The following EPHA6 variants were observed in gnomAD, a reference collection of about 807,000 sequenced individuals.
EPHA6 encodes ephrin type-A receptor 6.
Under a neutral mutation model 112.0 loss-of-function variants are expected in EPHA6, and 50 were observed. The observed-to-expected ratio is 0.45, with a 90% CI of 0.36 to 0.56. The LOEUF (loss-of-function observed/expected upper bound fraction) is 0.56, where lower values mean the gene tolerates loss of function less well. Among genes scored for constraint, EPHA6 ranks in the 20% least tolerant of loss-of-function variants. EPHA6 has a pLI of 0.00. For missense variants in EPHA6, 1,280 were observed against 1,417.4 expected (o/e 0.90, Z 1.56); for synonymous variants, 529 against 490.7 (o/e 1.08, Z -1.03).
At chr3:97,401,594 C>T (rs191306223) in intron 5 of EPHA6, among the ~76,000 whole-genome samples, 5 of 151,254 alleles carry the variant, frequency 3.3e-5, no homozygotes, top group Admixed American at 1.3e-4. Context: ...GTTAAAGGTT[C>T]GTCAATTTTG....
At chr3:96,867,274 C>A (rs2036371993) in intron 2 of EPHA6, among the ~76,000 whole-genome samples, 1 of 151,724 alleles carries the variant, frequency 6.6e-6, no homozygotes, top group South Asian at 2.1e-4. Flanking sequence ...ATGGATTGTG[C>A]AAATATTAAC....
chr3:97,249,248 T>C (rs2079066820), intron 5 of EPHA6, among the ~76,000 whole-genome samples: 1 of 152,148 alleles, frequency 6.6e-6, no homozygotes, highest in Non-Finnish European at 1.5e-5. Context: ...TATTGAAGTA[T>C]AAAATATTTC....
intron 10 of EPHA6, among the ~76,000 whole-genome samples, chr3:97,527,103 G>A (rs557259836): frequency 1.3e-5 from 2 of 152,200 alleles, no homozygotes; most frequent in African/African-American, 4.8e-5. Context: ...TTGGGTTCAC[G>A]GACAAAACTG....
chr3:97,035,052 C>A (rs774291342), intron 3 of EPHA6, among the ~76,000 whole-genome samples: 1 of 151,864 alleles, frequency 6.6e-6, no homozygotes, highest in Non-Finnish European at 1.5e-5. Context: ...CTTTTTAACA[C>A]CCTGACTTTG....
At chr3:97,580,778 A>T (rs1377380355) in intron 11 of EPHA6, among the ~76,000 whole-genome samples, 2 of 152,218 alleles carry the variant, frequency 1.3e-5, no homozygotes, top group African/African-American at 4.8e-5. Flanking sequence ...AATTAGGTGA[A>T]TATACGCCTC....
chr3:97,545,872 A>C (rs2092938465), intron 11 of EPHA6, among the ~76,000 whole-genome samples: 1 of 152,124 alleles, frequency 6.6e-6, no homozygotes, highest in East Asian at 1.9e-4. Flanking sequence ...GTTTTATCAG[A>C]GACTAGGATT....
At chr3:97,691,758 G>A (rs2032682364) in intron 14 of EPHA6, among the ~76,000 whole-genome samples, 1 of 152,140 alleles carries the variant, frequency 6.6e-6, no homozygotes, top group Non-Finnish European at 1.5e-5. Context: ...AACAATAGTT[G>A]TAAATTAACA....
At chr3:97,266,247 T>C (rs1355277532) in intron 5 of EPHA6, among the ~76,000 whole-genome samples, 1 of 152,198 alleles carries the variant, frequency 6.6e-6, no homozygotes, top group Non-Finnish European at 1.5e-5. Flanking sequence ...TGTACATGCA[T>C]ACATAAAATT....
chr3:96,940,705 A>T (rs1165014447), intron 2 of EPHA6, among the ~76,000 whole-genome samples: 1 of 152,094 alleles, frequency 6.6e-6, no homozygotes, highest in East Asian at 1.9e-4. Flanking sequence ...GATGGTCTTT[A>T]CAATTTGGCA....
chr3:96,940,794 G>A lies in EPHA6; in HGVS notation c.451-46536G>A, dbSNP rs191420272. On this transcript the variant is annotated intron_variant, in intron 2 of 17. Transcript: ENST00000389672. ...CAGGAGCTCTTTTAGGGCAGGCCTG[G>A]TGGTGACAAAATCTCTCGGCATTTG... 4.3e-3 allele frequency among the ~76,000 whole-genome samples: 661 copies of A among 152,178 alleles called. 1 individual carries two copies. The highest frequency in any genetic ancestry group is 5.8e-3 in the South Asian group (28 of 4,814).
chr3:97,265,328 C>T (rs1293294749), intron 5 of EPHA6, among the ~76,000 whole-genome samples: 1 of 152,182 alleles, frequency 6.6e-6, no homozygotes, highest in Non-Finnish European at 1.5e-5. Flanking sequence ...GCTGCTAGCG[C>T]CAAGGGGAAC....
intron 6 of EPHA6, among the ~76,000 whole-genome samples, chr3:97,426,335 C>T (rs892818868): frequency 6.6e-6 from 1 of 152,168 alleles, no homozygotes; most frequent in Non-Finnish European, 1.5e-5. Context: ...CAAGAGCAAG[C>T]ATGTGCAGGG....
At chr3:97,367,335 C>T (rs2084792098) in intron 5 of EPHA6, among the ~76,000 whole-genome samples, 1 of 152,054 alleles carries the variant, frequency 6.6e-6, no homozygotes, top group Non-Finnish European at 1.5e-5. Flanking sequence ...TGCTCAACCC[C>T]GGCCTATTCT....
At chr3:97,063,718 A>G (rs1266498599) in intron 3 of EPHA6, among the ~76,000 whole-genome samples, 4 of 152,126 alleles carry the variant, frequency 2.6e-5, no homozygotes, top group Non-Finnish European at 5.9e-5. Context: ...ATTTAAAAAT[A>G]TAAAAGAAAG....
chr3:96,988,610 A>T (rs933713986), intron 3 of EPHA6, among the ~76,000 whole-genome samples: 12 of 152,202 alleles, frequency 7.9e-5, no homozygotes, highest in Admixed American at 5.9e-4. Flanking sequence ...TCAAAAATGT[A>T]TAAGCTAGTT....
intron 5 of EPHA6, among the ~76,000 whole-genome samples, chr3:97,337,988 G>C (rs1037637751): frequency 8.5e-5 from 13 of 152,108 alleles, no homozygotes; most frequent in Non-Finnish European, 1.8e-4. Context: ...AGATTTCCAA[G>C]TGATGATATC....
intron 1 of EPHA6, among the ~76,000 whole-genome samples, chr3:96,845,054 C>G (rs915385564): frequency 2.0e-5 from 3 of 151,862 alleles, no homozygotes; most frequent in Non-Finnish European, 4.4e-5. Flanking sequence ...TACTATTTTC[C>G]AAGTACATAG....
At chr3:97,330,689 G>A (rs1371613626) in intron 5 of EPHA6, among the ~76,000 whole-genome samples, 3 of 152,076 alleles carry the variant, frequency 2.0e-5, no homozygotes, top group Non-Finnish European at 4.4e-5. Flanking sequence ...TCAACAAGAA[G>A]AGCTAACTAT....
intron 2 of EPHA6, among the ~76,000 whole-genome samples, chr3:96,985,917 A>C (rs1208231980): frequency 6.6e-6 from 1 of 152,208 alleles, no homozygotes; most frequent in Non-Finnish European, 1.5e-5. Context: ...AAGAAACTGC[A>C]AACAGAATGT....
Sources: allele counts gnomAD v4.1 joint callset (sites outside exome capture counted in the v4.1 genomes callset), GRCh38; gene constraint gnomAD v4.1.1; transcripts MANE v1.5; gene names NCBI Gene and HGNC (gene_info 2026-07-23, HGNC 2026-07-21).